The following ART3 variants were observed in gnomAD, a reference collection of about 807,000 sequenced individuals.
The protein encoded by ART3 is ecto-ADP-ribosyltransferase 3.
In ART3, 49 loss-of-function variants were observed where a neutral mutation model predicts 48.5. The ratio of observed to expected loss-of-function variants is 1.01; its 90% confidence interval spans 0.80 to 1.28. The LOEUF (loss-of-function observed/expected upper bound fraction) is 1.28, where lower values mean the gene tolerates loss of function less well. Among genes scored for constraint, ART3 ranks in the 50% most tolerant of loss-of-function variants. ART3 has a pLI of 0.00. For synonymous variants in ART3, 145 were observed against 157.2 expected, an observed-to-expected ratio of 0.92 and a Z score of 0.58; for missense variants, 438 against 454.3, an observed-to-expected ratio of 0.96 and a Z score of 0.33.
intron 1 of ART3, among the ~76,000 whole-genome samples, chr4:76,064,623 T>C (rs1197305827): frequency 6.6e-6 from 1 of 152,172 alleles, no homozygotes; most frequent in Non-Finnish European, 1.5e-5. Context: ...GTTATTACAT[T>C]TTGACAACAT....
intron 1 of ART3, among the ~76,000 whole-genome samples, chr4:76,031,413 A>T (rs1332919449): frequency 6.6e-6 from 1 of 152,238 alleles, no homozygotes; most frequent in African/African-American, 2.4e-5. Flanking sequence ...TTGGAAATAC[A>T]GACCTGAGAT....
intron 1 of ART3, among the ~76,000 whole-genome samples, chr4:76,029,236 T>C (rs1733668910): frequency 6.6e-6 from 1 of 152,240 alleles, no homozygotes; most frequent in Admixed American, 6.5e-5. Context: ...TCAGTTTTCT[T>C]CAACTTCTTA....
intron 3 of ART3, among the ~76,000 whole-genome samples, chr4:76,090,562 G>A (rs1724650951): frequency 6.6e-6 from 1 of 152,148 alleles, no homozygotes; most frequent in South Asian, 2.1e-4. Context: ...TGTCCAGACT[G>A]CGTCTAATGT....
At chr4:76,039,698 A>G (rs1410865163) in intron 1 of ART3, among the ~76,000 whole-genome samples, 6 of 152,254 alleles carry the variant, frequency 3.9e-5, no homozygotes, top group Non-Finnish European at 1.5e-5. Flanking sequence ...GTGTTGTCAT[A>G]TAGCTTTGGT....
chr4:76,068,704 G>A (rs1451506595), intron 1 of ART3, among the ~76,000 whole-genome samples: 1 of 152,084 alleles, frequency 6.6e-6, no homozygotes, highest in Non-Finnish European at 1.5e-5. Context: ...TAGTACTTGG[G>A]TGATGAAGTA....
intron 11 of ART3, among the ~76,000 whole-genome samples, chr4:76,110,211 TA>T (rs1305315468): frequency 6.6e-6 from 1 of 152,092 alleles, no homozygotes; most frequent in African/African-American, 2.4e-5. Context: ...GGATCGAAAA[TA>T]TTTGTGGGAA....
At chr4:76,052,021 C>A (rs1413854615) in intron 1 of ART3, among the ~76,000 whole-genome samples, 1 of 151,562 alleles carries the variant, frequency 6.6e-6, no homozygotes, top group African/African-American at 2.4e-5. Flanking sequence ...CTTTCTCCAG[C>A]CTCAGCCTGC....
At position 76,081,524 on chromosome 4, in the gene ART3, T is replaced by C. The variant is rs756180233; in HGVS notation, c.70-300T>C. Among the ~76,000 whole-genome samples, 9 of 152,338 alleles carry C rather than the reference T, an allele frequency of 5.9e-5. No homozygotes were observed. In the East Asian group the frequency reaches 1.5e-3, roughly 26 times the overall value. The stretch of plus-strand genomic sequence containing the variant: ...AAGCCAGGACTGCCACCCATTTCTT[T>C]AGCTTCACATCCATTGTTCTTTGCT... On this transcript the variant is annotated intron_variant, in intron 2 of 11. Coordinates refer to ENST00000355810, the MANE Select transcript of ART3 (RefSeq NM_001130016.3).
At chr4:76,102,320 A>C (rs1578593038) in intron 8 of ART3, among the ~76,000 whole-genome samples, 1 of 145,388 alleles carries the variant, frequency 6.9e-6, no homozygotes, top group East Asian at 2.2e-4. Context: ...AAATTCTGTT[A>C]TTTCTTTCTC....
At chr4:76,037,736 A>T (rs1185150404) in intron 1 of ART3, among the ~76,000 whole-genome samples, 1 of 152,192 alleles carries the variant, frequency 6.6e-6, no homozygotes, top group Non-Finnish European at 1.5e-5. Flanking sequence ...TATTTACATC[A>T]ACCATCAATA....
chr4:76,066,422 A>G (rs568142319), intron 1 of ART3, among the ~76,000 whole-genome samples: 1 of 152,236 alleles, frequency 6.6e-6, no homozygotes, highest in Non-Finnish European at 1.5e-5. Flanking sequence ...TTCAGCTCTC[A>G]ACAGAGAGGA....
At chr4:76,033,612 G>A (rs914626463) in intron 1 of ART3, 2 of 152,104 alleles carry the variant, frequency 1.3e-5, no homozygotes, top group African/African-American at 4.8e-5. Context: ...ATGACGGATA[G>A]GTGTATGTTT....
chr4:76,066,213 G>T (rs1039095821), intron 1 of ART3, among the ~76,000 whole-genome samples: 4 of 152,144 alleles, frequency 2.6e-5, no homozygotes, highest in Non-Finnish European at 5.9e-5. Flanking sequence ...TTGGGGTGTT[G>T]ATTTTCTTCC....
In ART3 at chr4:76,089,503, G is replaced by A. The variant is rs569763922; in HGVS notation, c.781+6968G>A. On this transcript the variant is annotated intron_variant, in intron 3 of 11. Coordinates refer to ENST00000355810, the MANE Select transcript of ART3 (RefSeq NM_001130016.3). Reference sequence around the variant, plus strand: ...CTCTTGCTCTGGCCATGTAAGACGAGCCTGCTTCCCCTTCACCTTATGCCA... The same window carrying A: ...CTCTTGCTCTGGCCATGTAAGACGAACCTGCTTCCCCTTCACCTTATGCCA... 1.5e-4 allele frequency among the ~76,000 whole-genome samples: 23 copies of A among 152,214 alleles called. No homozygotes were observed. The South Asian group carries it at 4.6e-3, about 30-fold the overall frequency.
intron 9 of ART3, chr4:76,104,359 A>G: frequency 1.0e-6 from 1 of 985,414 alleles, no homozygotes; most frequent in Non-Finnish European, 1.2e-6. Context: ...GTAACAAAAC[A>G]CGATATTCTC....
At chr4:76,060,159 A>C (rs4432767) in intron 1 of ART3, among the ~76,000 whole-genome samples, 89,136 of 152,014 alleles carry the variant, frequency 0.59, 26,988 homozygotes, top group East Asian at 0.94. Context: ...AAGATACCCC[A>C]AATTCAAGCC....
At chr4:76,031,385 T>G (rs1578240698) in intron 1 of ART3, among the ~76,000 whole-genome samples, 1 of 152,280 alleles carries the variant, frequency 6.6e-6, no homozygotes, top group East Asian at 1.9e-4. Flanking sequence ...AAAGATGATA[T>G]GAGAATGCCT....
At chr4:76,019,347 AAAT>A (rs1328863577) in intron 1 of ART3, among the ~76,000 whole-genome samples, 1 of 150,928 alleles carries the variant, frequency 6.6e-6, no homozygotes, top group Non-Finnish European at 1.5e-5. Flanking sequence ...CATTATTAAA[AAAT>A]AAACTACGTA....
At chr4:76,029,588 G>T (rs1733696513) in intron 1 of ART3, among the ~76,000 whole-genome samples, 1 of 151,936 alleles carries the variant, frequency 6.6e-6, no homozygotes, top group South Asian at 2.1e-4. Context: ...AGTTTTTTTT[G>T]TGTGTGTACT....
Sources: gnomAD v4.1 joint callset for allele counts (sites outside exome capture counted in the v4.1 genomes callset) on GRCh38, gnomAD v4.1.1 for gene constraint, MANE v1.5 for transcripts, NCBI Gene and HGNC (gene_info 2026-07-23, HGNC 2026-07-21) for gene names.